DNAJB13: variants seen among roughly 807,000 people sequenced by gnomAD.
The protein encoded by DNAJB13 is DnaJ heat shock protein family (Hsp40) member B13.
Under a neutral mutation model 35.6 loss-of-function variants are expected in DNAJB13, and 22 were observed. That is an observed-to-expected ratio of 0.62 (90% confidence interval 0.44 to 0.88). The LOEUF (loss-of-function observed/expected upper bound fraction) is 0.88. DNAJB13 is among the 40% of genes least tolerant of loss of function. The pLI, the probability that DNAJB13 is intolerant of heterozygous loss-of-function variation, is 0.00. For synonymous variants in DNAJB13, 136 were observed against 144.2 expected, an observed-to-expected ratio of 0.94 and a Z score of 0.41; for missense variants, 370 against 384.3, an observed-to-expected ratio of 0.96 and a Z score of 0.31.
intron 1 of DNAJB13, 106 bp from the exon 2 acceptor site, chr11:73,958,211 C>T (rs753354873): frequency 3.4e-6 from 4 of 1,175,958 alleles, no homozygotes; most frequent in Non-Finnish European, 5.0e-6. Flanking sequence ...GAAGTCACCC[C>T]GGATTTATAG....
At chr11:73,959,930 T>A (rs1950882493) in intron 3 of DNAJB13, 1 of 186,876 alleles carries the variant, frequency 5.4e-6, no homozygotes, top group African/African-American at 2.4e-5. Flanking sequence ...ACCCAGTTAA[T>A]TTTTTTATAT....
chr11:73,966,000 T>C, intron 4 of DNAJB13, 138 bp from the exon 5 acceptor site: 2 of 784,392 alleles, frequency 2.5e-6, no homozygotes, highest in Non-Finnish European at 4.2e-6. Context: ...GCTAGAGGAT[T>C]GAGCCCAAGT....
intron 1 of DNAJB13, 64 bp downstream of exon 1, chr11:73,951,201 C>T: frequency 6.3e-7 from 1 of 1,591,720 alleles, no homozygotes; most frequent in Non-Finnish European, 8.6e-7. Flanking sequence ...TCTTCTCTTC[C>T]AAAACGAGCT....
At chr11:73,965,853 G>A (rs1425175562) in intron 4 of DNAJB13, 2 of 395,368 alleles carry the variant, frequency 5.1e-6, no homozygotes, top group East Asian at 4.8e-5. Context: ...TGACTGCTTG[G>A]CATCTCAGCC....
At chr11:73,955,866 G>A (rs187685679) in intron 1 of DNAJB13, among the ~76,000 whole-genome samples, 10 of 152,298 alleles carry the variant, frequency 6.6e-5, no homozygotes, top group Non-Finnish European at 1.3e-4. Flanking sequence ...TTGGAAGGCT[G>A]TGACAATTGT....
intron 4 of DNAJB13, chr11:73,965,756 T>C (rs1181581692): frequency 2.1e-5 from 4 of 187,282 alleles, no homozygotes. Context: ...GCCGGGCCTC[T>C]GGGATTTGGA....
intron 2 of DNAJB13, 53 bp from the exon 3 acceptor site, chr11:73,959,441 C>T: frequency 6.3e-7 from 1 of 1,577,104 alleles, no homozygotes. Context: ...AGCCCCTCCA[C>T]CTATCTCAGC....
At chr11:73,967,422 C>T (rs1036790506) in intron 5 of DNAJB13, among the ~76,000 whole-genome samples, 5 of 152,174 alleles carry the variant, frequency 3.3e-5, no homozygotes, top group South Asian at 2.1e-4. Flanking sequence ...CCTTTGCCTG[C>T]ACTTTTTGCC....
intron 7 of DNAJB13, 25 bp from the exon 8 acceptor site, chr11:73,969,936 G>C (rs1265045756): frequency 6.3e-7 from 1 of 1,596,576 alleles, no homozygotes; most frequent in Admixed American, 1.7e-5. Context: ...TGCCCTCTAT[G>C]CTCCTTTCTT....
rs745909650 is a variant in DNAJB13 at position 73,964,819 on chromosome 11, G to A, written c.335-59G>A. On this transcript the variant is annotated intron_variant, in intron 3 of 7. Coordinates refer to ENST00000339764, the MANE Select transcript of DNAJB13 (RefSeq NM_153614.4). ...TGTGTGTGTGTGTGTGTGTGCGCGC[G>A]CGCGCATGTCTGGGTCTCTGGATAC... is the stretch of plus-strand genomic sequence containing the variant. 3.3e-5 allele frequency: 49 copies of A among 1,476,636 alleles called. 2 individuals are homozygous for A. Among genetic ancestry groups the A allele is most frequent in the Admixed American group, 5.3e-5 (3 of 56,866 alleles). 91.5% of individuals were successfully genotyped at this position (1,476,636 alleles called of 1,614,324 possible).
intron 7 of DNAJB13, 80 bp downstream of exon 7, chr11:73,969,402 C>T: frequency 2.4e-6 from 2 of 822,816 alleles, no homozygotes; most frequent in Admixed American, 1.8e-5. Flanking sequence ...CAGGTCTGCC[C>T]AGTAGAGTTG....
rs115969838 is a variant in DNAJB13, at chr11:73,967,619, C to T, written c.607-726C>T. On this transcript the variant is annotated intron_variant, in intron 5 of 7. Coordinates refer to ENST00000339764, the MANE Select transcript of DNAJB13 (RefSeq NM_153614.4). ...ATTTAGCTGGGCATGGTAGTGTGTG[C>T]CTGTGGTCCCAGATACTCAGGAGAC... Among the ~76,000 whole-genome samples, 578 of 152,200 alleles carry T rather than the reference C, an allele frequency of 3.8e-3. 4 individuals are homozygous for T. Among genetic ancestry groups the T allele is most frequent in the African/African-American group, 0.013 (553 of 41,510 alleles).
At chr11:73,961,014 T>C (rs77538513) in intron 3 of DNAJB13, among the ~76,000 whole-genome samples, 10,870 of 152,130 alleles carry the variant, frequency 0.071, 994 homozygotes, top group African/African-American at 0.21. Context: ...AGGCCAGGTG[T>C]GGTGGCTCAC....
intron 2 of DNAJB13, among the ~76,000 whole-genome samples, chr11:73,958,766 C>T (rs1433720650): frequency 6.6e-6 from 1 of 152,206 alleles, no homozygotes; most frequent in Non-Finnish European, 1.5e-5. Flanking sequence ...AAAGCTGAAG[C>T]TGGGCAGGCG....
chr11:73,968,270 A>T, intron 5 of DNAJB13, 75 bp from the exon 6 acceptor site: 1 of 1,260,112 alleles, frequency 7.9e-7, no homozygotes, highest in African/African-American at 1.5e-5. Flanking sequence ...AGACATGGAG[A>T]CAAGTAGAGG....
chr11:73,966,069 CTG>C, intron 4 of DNAJB13, 67 bp from the exon 5 acceptor site: 2 of 1,416,558 alleles, frequency 1.4e-6, no homozygotes, highest in Non-Finnish European at 2.0e-6. Context: ...TCATGAAAAT[CTG>C]AGCAAATCTC....
chr11:73,956,509 A>G (rs1042968695), intron 1 of DNAJB13, among the ~76,000 whole-genome samples: 14 of 152,164 alleles, frequency 9.2e-5, no homozygotes, highest in Non-Finnish European at 2.1e-4. Context: ...CTGGTCAGAA[A>G]GTATTTCAGA....
In DNAJB13 at chr11:73,964,777, G is replaced by C. The variant is rs1335194573; in HGVS notation, c.335-101G>C. ...CTGGATAGGGAGGCTGTGTGTGTGT[G>C]TGTGTGTGTGTGTGTGTGTGTGTGT... is the stretch of plus-strand genomic sequence containing the variant. On this transcript the variant is annotated intron_variant, in intron 3 of 7. Coordinates refer to ENST00000339764, the MANE Select transcript of DNAJB13 (RefSeq NM_153614.4). 2.1e-5 allele frequency: 11 copies of C among 523,648 alleles called. No individual in the cohort carries two copies. The African/African-American group carries it at 2.7e-4, about 13-fold the overall frequency. 32.4% of individuals were successfully genotyped at this position (523,648 alleles called of 1,614,324 possible).
At chr11:73,963,629 G>C (rs895852781) in intron 3 of DNAJB13, 11 of 152,222 alleles carry the variant, frequency 7.2e-5, no homozygotes, top group African/African-American at 2.7e-4. Flanking sequence ...TTTACTGCCT[G>C]GTACACTGTA....
Sources: gnomAD v4.1 joint callset for allele counts (sites outside exome capture counted in the v4.1 genomes callset) on GRCh38, gnomAD v4.1.1 for gene constraint, MANE v1.5 for transcripts, NCBI Gene and HGNC (gene_info 2026-07-23, HGNC 2026-07-21) for gene names.